The following PRH1 variants were observed in gnomAD, a reference collection of about 807,000 sequenced individuals.
The protein encoded by PRH1 is salivary acidic proline-rich phosphoprotein 1/2.
A neutral mutation model predicts 7.9 loss-of-function variants in PRH1; 7 were observed. That is an observed-to-expected ratio of 0.89 (90% CI 0.50 to 1.67). The LOEUF (loss-of-function observed/expected upper bound fraction) is 1.67. Ranked by LOEUF, PRH1 falls within the 40% of genes most tolerant of loss-of-function variation. The pLI is 0.00. For synonymous variants in PRH1, 45 were observed against 80.8 expected (o/e 0.56, Z 2.38); for missense variants, 109 against 223.6 (o/e 0.49, Z 3.27).
At chr12:10,930,515 A>G in intron 2 of PRH1, 2 of 1,481,350 alleles carry the variant, frequency 1.4e-6, no homozygotes, top group South Asian at 1.4e-5. Flanking sequence ...GAGGAGTTCT[A>G]ATTAGGAAGC....
intron 2 of PRH1, among the ~76,000 whole-genome samples, chr12:10,911,171 C>G (rs1949894214): frequency 6.6e-6 from 1 of 152,096 alleles, no homozygotes; most frequent in Non-Finnish European, 1.5e-5. Context: ...TCCTACCTAT[C>G]TAGAGAAAAG....
intron 1 of PRH1, among the ~76,000 whole-genome samples, chr12:11,096,358 C>A (rs1592005424): frequency 8.7e-6 from 1 of 115,486 alleles, no homozygotes; most frequent in African/African-American, 2.9e-5. Flanking sequence ...AAATTGATGA[C>A]CCTTTTTTTT....
chr12:11,013,189 T>C (rs1313266507), intron 1 of PRH1, among the ~76,000 whole-genome samples: 2 of 152,174 alleles, frequency 1.3e-5, no homozygotes, highest in African/African-American at 4.8e-5. Context: ...GATTACACTT[T>C]CTGGTTTCAA....
chr12:11,104,782 T>C (rs939711274), intron 1 of PRH1, among the ~76,000 whole-genome samples: 1 of 152,146 alleles, frequency 6.6e-6, no homozygotes, highest in Non-Finnish European at 1.5e-5. Context: ...GAGTAGTGTA[T>C]GAAAATTCCC....
At chr12:11,168,475 GT>G (rs1296406349) in intron 1 of PRH1, among the ~76,000 whole-genome samples, 1 of 151,880 alleles carries the variant, frequency 6.6e-6, no homozygotes, top group African/African-American at 2.4e-5. Context: ...AAATTAAAGA[GT>G]TTTTATGTGG....
At chr12:11,123,244 A>G (rs1038583448) in intron 1 of PRH1, among the ~76,000 whole-genome samples, 4 of 152,282 alleles carry the variant, frequency 2.6e-5, no homozygotes, top group Admixed American at 2.6e-4. Context: ...TTTGATATAT[A>G]TTTGGGCAGC....
At chr12:10,935,927 T>G (rs1023617009) in intron 2 of PRH1, among the ~76,000 whole-genome samples, 4 of 151,792 alleles carry the variant, frequency 2.6e-5, no homozygotes, top group African/African-American at 4.8e-5. Context: ...CAGGCAGAGG[T>G]AGGATGGACA....
chr12:11,021,051 A>AT (rs1941596776), intron 1 of PRH1, among the ~76,000 whole-genome samples: 1 of 152,118 alleles, frequency 6.6e-6, no homozygotes, highest in African/African-American at 2.4e-5. Flanking sequence ...TAAATCTAGT[A>AT]TTCTTTAGTA....
chr12:10,896,489 CG>C (rs1247263927), intron 2 of PRH1, among the ~76,000 whole-genome samples: 1 of 152,036 alleles, frequency 6.6e-6, no homozygotes, highest in African/African-American at 2.4e-5. Context: ...TGGCCAGGCA[CG>C]GTGGCTCACG....
downstream of PRH1, among the ~76,000 whole-genome samples, chr12:11,120,371 T>G (rs1416810353): frequency 2.0e-5 from 3 of 152,186 alleles, no homozygotes; most frequent in Non-Finnish European, 2.9e-5. Flanking sequence ...AAGCTTTGGA[T>G]AGTTTATAGT....
At chr12:10,968,046 A>G (rs1938592608) in intron 2 of PRH1, among the ~76,000 whole-genome samples, 1 of 152,230 alleles carries the variant, frequency 6.6e-6, no homozygotes, top group African/African-American at 2.4e-5. Flanking sequence ...GAGCCACTGC[A>G]CTCCAGCCTG....
At chr12:11,033,937 G>C (rs12814967) in intron 1 of PRH1, among the ~76,000 whole-genome samples, 66,161 of 151,154 alleles carry the variant, frequency 0.44, 15,243 homozygotes, top group Non-Finnish European at 0.51. Context: ...CCTAAAACAG[G>C]CTAGATCCAC....
chr12:11,002,203 T>C (rs1347935929), intron 1 of PRH1, among the ~76,000 whole-genome samples: 2 of 152,162 alleles, frequency 1.3e-5, no homozygotes, highest in Non-Finnish European at 2.9e-5. Flanking sequence ...AAATAAATCA[T>C]TTAATGAGAT....
chr12:10,910,606 G>A (rs1949884002), intron 2 of PRH1, among the ~76,000 whole-genome samples: 2 of 152,130 alleles, frequency 1.3e-5, no homozygotes, highest in Admixed American at 1.3e-4. Flanking sequence ...CTGCAGATAA[G>A]CGGGGACTAA....
chr12:11,043,018 T>C (rs1037602160), intron 1 of PRH1, among the ~76,000 whole-genome samples: 2 of 152,158 alleles, frequency 1.3e-5, no homozygotes, highest in African/African-American at 2.4e-5. Flanking sequence ...ATATCCCTGA[T>C]GAACATTGAT....
At chr12:11,050,137 A>G (rs987390350), upstream of PRH1, among the ~76,000 whole-genome samples, 2 of 152,130 alleles carry the variant, frequency 1.3e-5, no homozygotes, top group Non-Finnish European at 2.9e-5. Context: ...GAATTAAGAC[A>G]CACACAGAAA....
At chr12:11,120,443 C>T (rs1441760537), downstream of PRH1, among the ~76,000 whole-genome samples, 7 of 152,240 alleles carry the variant, frequency 4.6e-5, no homozygotes, top group African/African-American at 1.2e-4. Flanking sequence ...TGATCTCCTG[C>T]GGCTCATGTT....
chr12:11,000,076 C>G (rs1230690192), intron 1 of PRH1, among the ~76,000 whole-genome samples: 1 of 152,002 alleles, frequency 6.6e-6, no homozygotes. Flanking sequence ...ATTATGGGGT[C>G]ATTAAATGTG....
intron 1 of PRH1, among the ~76,000 whole-genome samples, chr12:11,135,360 C>A (rs1419312360): frequency 1.3e-5 from 2 of 152,056 alleles, no homozygotes; most frequent in Non-Finnish European, 2.9e-5. Context: ...ATGAGAATAT[C>A]ACCTGGCTAG....
Sources: allele counts gnomAD v4.1 joint callset (sites outside exome capture counted in the v4.1 genomes callset), GRCh38; gene constraint gnomAD v4.1.1; transcripts MANE v1.5; gene names NCBI Gene and HGNC (gene_info 2026-07-23, HGNC 2026-07-21).